The following CDH13 variants were observed in gnomAD, a reference collection of about 807,000 sequenced individuals.
CDH13 encodes cadherin-13.
CDH13 carries 24 observed loss-of-function variants against 63.8 expected under a neutral mutation model. That is an observed-to-expected ratio of 0.38 (90% CI 0.27 to 0.53). CDH13 has a LOEUF of 0.53. CDH13 is among the 20% of genes least tolerant of loss of function. The pLI is 0.85. For missense variants in CDH13, 1,049 were observed against 903.1 expected, an observed-to-expected ratio of 1.16 and a Z score of -2.07; for synonymous variants, 503 against 355.3, an observed-to-expected ratio of 1.42 and a Z score of -4.67.
chr16:83,534,943 T>C (rs1268177785), intron 7 of CDH13, among the ~76,000 whole-genome samples: 1 of 152,242 alleles, frequency 6.6e-6, no homozygotes, highest in Non-Finnish European at 1.5e-5. Context: ...GACAATTTTA[T>C]AGGACAATCT....
At chr16:83,780,489 T>C (rs1915441516) in intron 12 of CDH13, among the ~76,000 whole-genome samples, 2 of 152,232 alleles carry the variant, frequency 1.3e-5, no homozygotes, top group Non-Finnish European at 2.9e-5. Context: ...ACATACACTA[T>C]TTAGTATAAC....
intron 13 of CDH13, among the ~76,000 whole-genome samples, chr16:83,787,735 G>C (rs1476618525): frequency 6.6e-6 from 1 of 152,184 alleles, no homozygotes; most frequent in East Asian, 1.9e-4. Context: ...TTGAGGTCAG[G>C]AGTTCAAGAC....
intron 4 of CDH13, among the ~76,000 whole-genome samples, chr16:83,175,671 A>T (rs2038091407): frequency 6.6e-6 from 1 of 152,118 alleles, no homozygotes; most frequent in Non-Finnish European, 1.5e-5. Flanking sequence ...GTTAAAACAA[A>T]CAAACAAACA....
At chr16:83,621,075 C>T (rs1470988699) in intron 8 of CDH13, among the ~76,000 whole-genome samples, 1 of 152,162 alleles carries the variant, frequency 6.6e-6, no homozygotes, top group Non-Finnish European at 1.5e-5. Flanking sequence ...GTACCATGAT[C>T]GTAATACCCC....
intron 7 of CDH13, among the ~76,000 whole-genome samples, chr16:83,527,265 C>T (rs200315510): frequency 6.6e-6 from 1 of 151,866 alleles, no homozygotes; most frequent in Non-Finnish European, 1.5e-5. Flanking sequence ...CTAGCCAACA[C>T]GGTGAAACCC....
intron 7 of CDH13, among the ~76,000 whole-genome samples, chr16:83,537,069 G>A (rs1451912673): frequency 2.0e-5 from 3 of 152,192 alleles, no homozygotes; most frequent in African/African-American, 4.8e-5. Context: ...CAGCTGTGGG[G>A]ATTCGAGCAA....
At chr16:83,465,248 T>TA (rs1204423817) in intron 6 of CDH13, among the ~76,000 whole-genome samples, 8 of 152,032 alleles carry the variant, frequency 5.3e-5, no homozygotes, top group African/African-American at 1.2e-4. Flanking sequence ...CCAGAAGTGT[T>TA]AAGGTGTGAG....
intron 1 of CDH13, among the ~76,000 whole-genome samples, chr16:82,788,065 G>A (rs1294392667): frequency 6.6e-6 from 1 of 152,134 alleles, no homozygotes; most frequent in African/African-American, 2.4e-5. Context: ...GGAATAATAA[G>A]TCAGTGCTCT....
intron 6 of CDH13, among the ~76,000 whole-genome samples, chr16:83,394,915 A>G (rs1405674561): frequency 1.3e-5 from 2 of 152,182 alleles, no homozygotes; most frequent in Non-Finnish European, 2.9e-5. Flanking sequence ...TGGGAGGCCA[A>G]GACAGGCGGA....
At chr16:82,726,357 T>C (rs945699048) in intron 1 of CDH13, among the ~76,000 whole-genome samples, 1 of 152,236 alleles carries the variant, frequency 6.6e-6, no homozygotes, top group Non-Finnish European at 1.5e-5. Flanking sequence ...TAAGTGAGGA[T>C]GTGACTGTGT....
At chr16:83,223,401 C>T (rs1475402527) in intron 5 of CDH13, among the ~76,000 whole-genome samples, 1 of 152,242 alleles carries the variant, frequency 6.6e-6, no homozygotes, top group African/African-American at 2.4e-5. Context: ...CACGCATGCT[C>T]TAATCACCTC....
intron 4 of CDH13, among the ~76,000 whole-genome samples, chr16:83,156,996 T>A (rs1228394301): frequency 6.6e-6 from 1 of 152,162 alleles, no homozygotes; most frequent in Non-Finnish European, 1.5e-5. Context: ...TAAGATGGAA[T>A]TCTCCTTTTC....
chr16:83,281,219 G>A (rs2089162424), intron 5 of CDH13, among the ~76,000 whole-genome samples: 1 of 152,216 alleles, frequency 6.6e-6, no homozygotes, highest in South Asian at 2.1e-4. Flanking sequence ...TCTTGCTGCA[G>A]CTTCTATATC....
chr16:83,433,452 GA>G (rs2151485862), intron 6 of CDH13, among the ~76,000 whole-genome samples: 1 of 152,300 alleles, frequency 6.6e-6, no homozygotes, highest in African/African-American at 2.4e-5. Flanking sequence ...GAAAATGCAT[GA>G]CCAGCGGATA....
At position 83,047,568 on chromosome 16, in the gene CDH13, G is replaced by GA. The variant is rs200193517; in HGVS notation, c.366+15357dup. ...AAACTGAATTTTTAAAATACAAACA[G>GA]AAAAAAAGCTCCCTGTATTTTCCCA... is the stretch of plus-strand genomic sequence containing the variant. On this transcript the variant is annotated intron_variant, in intron 3 of 13. Coordinates refer to ENST00000567109, the MANE Select transcript of CDH13 (RefSeq NM_001257.5). This position sits in a 1 kb window ranked among gnomAD's most constrained non-coding sequence, Gnocchi z 4.9. Among the ~76,000 whole-genome samples, 972 of 152,108 alleles carry GA rather than the reference G, an allele frequency of 6.4e-3. 9 individuals are homozygous for GA. The highest frequency in any genetic ancestry group is 0.021 in the African/African-American group (891 of 41,512).
At chr16:83,374,992 C>T (rs760856778) in intron 6 of CDH13, among the ~76,000 whole-genome samples, 3 of 152,014 alleles carry the variant, frequency 2.0e-5, no homozygotes, top group Admixed American at 6.6e-5. Flanking sequence ...CAAGAAATTC[C>T]GAAAATGATG....
At chr16:83,507,058 T>C (rs76562795) in intron 7 of CDH13, among the ~76,000 whole-genome samples, 3 of 152,132 alleles carry the variant, frequency 2.0e-5, no homozygotes, top group East Asian at 1.9e-4. Context: ...CTAATACACA[T>C]AGTCTGTTTC....
At chr16:83,373,522 G>A (rs1320814088) in intron 6 of CDH13, among the ~76,000 whole-genome samples, 1 of 152,140 alleles carries the variant, frequency 6.6e-6, no homozygotes, top group East Asian at 1.9e-4. Flanking sequence ...GGTAGAGGGG[G>A]TGTGACTTGG....
chr16:83,703,995 G>A (rs189817334), intron 10 of CDH13, among the ~76,000 whole-genome samples: 2 of 152,094 alleles, frequency 1.3e-5, no homozygotes, highest in Admixed American at 1.3e-4. Context: ...AATGAAAAAG[G>A]CTTTTTGCTT....
Sources: allele counts gnomAD v4.1 joint callset (sites outside exome capture counted in the v4.1 genomes callset), GRCh38; gene constraint gnomAD v4.1.1; non-coding constraint Gnocchi (gnomAD v3.1); transcripts MANE v1.5; gene names NCBI Gene and HGNC (gene_info 2026-07-23, HGNC 2026-07-21).